HEPACAM: variants seen among roughly 807,000 people sequenced by gnomAD.
The protein encoded by HEPACAM is hepatocyte cell adhesion molecule.
A neutral mutation model predicts 38.3 loss-of-function variants in HEPACAM; 18 were observed. The ratio of observed to expected loss-of-function variants is 0.47; its 90% confidence interval spans 0.33 to 0.70. HEPACAM has a LOEUF of 0.70. HEPACAM is among the 30% of genes least tolerant of loss of function. The pLI, the probability that HEPACAM is intolerant of heterozygous loss-of-function variation, is 0.03. For missense variants in HEPACAM, 466 were observed against 563.0 expected, an observed-to-expected ratio of 0.83 and a Z score of 1.74; for synonymous variants, 216 against 243.1, an observed-to-expected ratio of 0.89 and a Z score of 1.04.
chr11:124,934,071 C>G (rs1565342701), intron 1 of HEPACAM, among the ~76,000 whole-genome samples: 1 of 152,166 alleles, frequency 6.6e-6, no homozygotes, highest in African/African-American at 2.4e-5. Context: ...CCTGACCTCT[C>G]TGCCACCCAA....
intron 1 of HEPACAM, among the ~76,000 whole-genome samples, chr11:124,935,080 C>T (rs1371873801): frequency 6.6e-6 from 1 of 152,160 alleles, no homozygotes; most frequent in Non-Finnish European, 1.5e-5. Context: ...AAATTCAGTG[C>T]ACACATTCCT....
intron 5 of HEPACAM, 128 bp from the exon 6 acceptor site, chr11:124,922,586 T>G: frequency 6.2e-7 from 1 of 1,605,446 alleles, no homozygotes. Context: ...TCCTGGCTCC[T>G]ACCTTGGCCA....
rs1050320112 is a variant in HEPACAM, at chr11:124,920,608, G to A, written c.*530C>T. 2.8e-6 allele frequency: 3 copies of A among 1,084,376 alleles called. No homozygotes were observed. The highest frequency in any genetic ancestry group is 3.4e-6 in the Non-Finnish European group (3 of 885,620). The allele number at this position is 1,084,376 out of a possible 1,614,324, so 67.2% of individuals were successfully genotyped here. On this transcript the variant is annotated 3_prime_UTR_variant, in exon 7 of 7. Coordinates refer to ENST00000298251, the MANE Select transcript of HEPACAM (RefSeq NM_152722.5). ...AACAGCCCCTGCACACCCAGTAACCGGCATCTGGCTTCTCCTTAGCTTAGT... is the reference window on the plus strand; with the variant it reads ...AACAGCCCCTGCACACCCAGTAACCAGCATCTGGCTTCTCCTTAGCTTAGT...
At chr11:124,935,686 G>A (rs1947334794) in intron 1 of HEPACAM, among the ~76,000 whole-genome samples, 1 of 152,202 alleles carries the variant, frequency 6.6e-6, no homozygotes, top group Non-Finnish European at 1.5e-5. Flanking sequence ...AATGCCGTGG[G>A]AGCTCCAAAG....
chr11:124,934,115 TC>T (rs1947314488), intron 1 of HEPACAM, among the ~76,000 whole-genome samples: 1 of 152,174 alleles, frequency 6.6e-6, no homozygotes, highest in Admixed American at 6.5e-5. Context: ...CACGGAAGCC[TC>T]ATAAGTATTT....
chr11:124,927,249 G>T (rs1384808607), intron 1 of HEPACAM, among the ~76,000 whole-genome samples: 1 of 152,098 alleles, frequency 6.6e-6, no homozygotes, highest in Non-Finnish European at 1.5e-5. Flanking sequence ...CCAAGGAAAG[G>T]CCAACTGGCT....
Position 124,922,432 on chromosome 11 carries a change from G to C in HEPACAM, c.904C>G (p.Gln302Glu). 5 of 1,614,104 alleles carry C rather than the reference G, an allele frequency of 3.1e-6. No individual in the cohort carries two copies. The highest frequency in any genetic ancestry group is 4.2e-6 in the Non-Finnish European group (5 of 1,180,018). The stretch of plus-strand genomic sequence containing the variant: ...AGTGCCATGGGGTTCTTCCGTTCCT[G>C]CTCACCACTTCGAGGGAGGGTGTCT... The part of the protein sequence containing the change: ...EADTLPRSGE[Q>E]ERKNPMALYI... The change falls in exon 6 of 7, where the codon CAG becomes GAG. Residue 302 changes from glutamine (Q) to glutamate (E), a missense_variant. Gln to Glu is a conservative substitution (Grantham distance 29). Transcript: ENST00000298251.
In HEPACAM at chr11:124,921,706, G is replaced by A. The variant is rs930769458; in HGVS notation, c.949-266C>T. Among the ~76,000 whole-genome samples the A allele has an allele frequency of 4.0e-5, 6 of 149,586 alleles. No homozygotes were observed. Among genetic ancestry groups the A allele is most frequent in the African/African-American group, 1.5e-4 (6 of 41,230 alleles). On this transcript the variant is annotated intron_variant, in intron 6 of 6. Coordinates refer to ENST00000298251, the MANE Select transcript of HEPACAM (RefSeq NM_152722.5). The surrounding 1 kb of genome is among the most constrained non-coding windows in gnomAD (Gnocchi z 4.6). ...CTTTACTCTCCTCTTTCCACCCGTC[G>A]TGGACAGCCTGGGACAGTTAGTTGT...
rs1947138934 is a variant in HEPACAM, at chr11:124,921,523, C to G, written c.949-83G>C. 1 of 909,976 alleles carries G rather than the reference C, an allele frequency of 1.1e-6. No homozygotes were observed. The allele number at this position is 909,976 out of a possible 1,614,324, so 56.4% of individuals were successfully genotyped here. Reference sequence around the variant, plus strand: ...CTGGTGTTAGAGCTTGCTGGAATTCCGAGGGGAGGGACCTAGTTTCCCTCT... The same window carrying G: ...CTGGTGTTAGAGCTTGCTGGAATTCGGAGGGGAGGGACCTAGTTTCCCTCT... On this transcript the variant is annotated intron_variant, in intron 6 of 6. Transcript: ENST00000298251. The surrounding 1 kb of genome is among the most constrained non-coding windows in gnomAD (Gnocchi z 4.6).
At chr11:124,932,205 T>G (rs1035542692) in intron 1 of HEPACAM, among the ~76,000 whole-genome samples, 2 of 152,178 alleles carry the variant, frequency 1.3e-5, no homozygotes, top group Middle Eastern at 3.2e-3. Context: ...ATGTACCTTC[T>G]TGTATGTAAT....
At position 124,919,574 on chromosome 11, in the gene HEPACAM, T is replaced by A; in HGVS notation, c.*1564A>T. 1 of 643,146 alleles carries A rather than the reference T, an allele frequency of 1.6e-6. No individual in the cohort carries two copies. Among genetic ancestry groups the A allele is most frequent in the Non-Finnish European group, 2.7e-6 (1 of 375,186 alleles). 39.8% of individuals were successfully genotyped at this position (643,146 alleles called of 1,614,324 possible). ...CCTACATGCATTATCTCATTATGGA[T>A]GAGGCACCTGGGAAGTTTAGGGGAG... is the stretch of plus-strand genomic sequence containing the variant. On this transcript the variant is annotated 3_prime_UTR_variant, in exon 7 of 7. Transcript: ENST00000298251.
intron 1 of HEPACAM, among the ~76,000 whole-genome samples, chr11:124,932,093 G>T (rs1052882958): frequency 3.3e-5 from 5 of 152,154 alleles, no homozygotes; most frequent in African/African-American, 1.2e-4. Context: ...ATAGTATGAG[G>T]GTGATTCTGA....
rs1947093954 is a variant in HEPACAM, at chr11:124,919,487, G to A, written c.*1651C>T. ...ACCTTCACCTGTGCATCTCAAGGCT[G>A]ACCAGCAGGTACTCCTTATCCAAGT... On this transcript the variant is annotated 3_prime_UTR_variant, in exon 7 of 7. Coordinates refer to ENST00000298251, the MANE Select transcript of HEPACAM (RefSeq NM_152722.5). 1.9e-6 allele frequency: 1 copy of A among 521,314 alleles called. No individual in the cohort carries two copies. Among genetic ancestry groups the A allele is most frequent in the South Asian group, 2.5e-5 (1 of 40,058 alleles). The allele number at this position is 521,314 out of a possible 1,614,324, so 32.3% of individuals were successfully genotyped here.
chr11:124,929,928 G>A (rs1448273438), intron 1 of HEPACAM, among the ~76,000 whole-genome samples: 3 of 152,086 alleles, frequency 2.0e-5, no homozygotes, highest in Non-Finnish European at 4.4e-5. Flanking sequence ...TTTTAAAAGT[G>A]TCAATGGGGG....
Position 124,919,834 on chromosome 11 carries a change from C to A in HEPACAM, c.*1304G>T, listed in dbSNP as rs1390264154. 1 of 1,614,000 alleles carries A rather than the reference C, an allele frequency of 6.2e-7. No homozygotes were observed. The highest frequency in any genetic ancestry group is 8.5e-7 in the Non-Finnish European group (1 of 1,180,002). ...TTAGGAGACTAGGGATGCAAGGACC[C>A]TTGGAGGCATTAAGGAGGAGGGAAT... On this transcript the variant is annotated 3_prime_UTR_variant, in exon 7 of 7. Transcript: ENST00000298251.
intron 1 of HEPACAM, among the ~76,000 whole-genome samples, chr11:124,925,913 T>C (rs576935481): frequency 8.3e-4 from 126 of 152,294 alleles, no homozygotes; most frequent in South Asian, 6.4e-3. Flanking sequence ...AGGATAATAA[T>C]AACAAGGCTG....
In HEPACAM at chr11:124,922,599, C is replaced by T. The variant is rs923421687; in HGVS notation, c.878-141G>A. On this transcript the variant is annotated intron_variant, in intron 5 of 6. Coordinates refer to ENST00000298251, the MANE Select transcript of HEPACAM (RefSeq NM_152722.5). The stretch of plus-strand genomic sequence containing the variant: ...TATCCTGGCTCCTACCTTGGCCAAA[C>T]CTTTCCCTCCTCTGCAGTCTTCGTG... 9.9e-6 allele frequency: 16 copies of T among 1,609,786 alleles called. No individual in the cohort carries two copies. The African/African-American group carries it at 1.3e-4, about 13-fold the overall frequency.
At chr11:124,933,436 T>C (rs1416656379) in intron 1 of HEPACAM, among the ~76,000 whole-genome samples, 1 of 152,064 alleles carries the variant, frequency 6.6e-6, no homozygotes, top group African/African-American at 2.4e-5. Flanking sequence ...CTCCCAAAGT[T>C]CTGAGATTAC....
chr11:124,924,039 A>G lies in HEPACAM; in HGVS notation c.428-29T>C. ...AGCCGCAGGAATGGGGGAGCCTGTA[A>G]GTCATTGGCTAAGAAGTGTCTCCCT... On this transcript the variant is annotated intron_variant, in intron 2 of 6. Coordinates refer to ENST00000298251, the MANE Select transcript of HEPACAM (RefSeq NM_152722.5). The surrounding 1 kb of genome is among the most constrained non-coding windows in gnomAD (Gnocchi z 4.4). 1 of 1,590,298 alleles carries G rather than the reference A, an allele frequency of 6.3e-7. No homozygotes were observed. The highest frequency in any genetic ancestry group is 8.5e-7 in the Non-Finnish European group (1 of 1,172,468).
Sources: allele counts gnomAD v4.1 joint callset (sites outside exome capture counted in the v4.1 genomes callset), GRCh38; gene constraint gnomAD v4.1.1; non-coding constraint Gnocchi (gnomAD v3.1); transcripts MANE v1.5; gene names NCBI Gene and HGNC (gene_info 2026-07-23, HGNC 2026-07-21).